Variants in COL4A6 observed in about 807,000 individuals in gnomAD.
COL4A6 encodes collagen alpha-6(IV) chain.
Under a neutral mutation model 126.7 loss-of-function variants are expected in COL4A6, and 59 were observed. The ratio of observed to expected loss-of-function variants is 0.47; its 90% CI spans 0.38 to 0.58. The LOEUF is 0.58. COL4A6 is among the 20% of genes least tolerant of loss of function. COL4A6 has a pLI of 0.00. For synonymous variants in COL4A6, 547 were observed against 496.6 expected (o/e 1.10, Z -1.35); for missense variants, 1,285 against 1,337.3 (o/e 0.96, Z 0.61).
At chrX:108,391,870 C>A (rs1432565817) in intron 2 of COL4A6, among the ~76,000 whole-genome samples, 1 of 112,434 alleles carries the variant, frequency 8.9e-6, no homozygotes, top group East Asian at 2.8e-4. Flanking sequence ...ATGAGATGAA[C>A]CGGGTACCTC....
intron 2 of COL4A6, among the ~76,000 whole-genome samples, chrX:108,377,058 G>T (rs1256304313): frequency 5.3e-5 from 6 of 112,685 alleles, no homozygotes; most frequent in Non-Finnish European, 9.4e-5. Context: ...GATCATTATC[G>T]GGCGTTTCCC....
intron 28 of COL4A6, 26 bp downstream of exon 28, chrX:108,176,815 G>GTCACTTCACTGA (rs756828971): frequency 8.5e-7 from 1 of 1,180,757 alleles, no homozygotes; most frequent in South Asian, 1.9e-5. Context: ...GCAACCACTG[G>GTCACTTCACTGA]TCACTTCACT....
chrX:108,203,030 G>C (rs770998317), intron 12 of COL4A6, 49 bp from the exon 13 acceptor site: 2 of 1,053,676 alleles, frequency 1.9e-6, no homozygotes, highest in East Asian at 3.0e-5. Context: ...AGCAGTGAAC[G>C]CACAGTAGGA....
intron 2 of COL4A6, among the ~76,000 whole-genome samples, chrX:108,432,941 T>A (rs1381120159): frequency 8.9e-6 from 1 of 111,942 alleles, no homozygotes; most frequent in African/African-American, 3.2e-5. Context: ...TGAAGTCAGA[T>A]AGAATGGGGA....
chrX:108,180,440 C>T, intron 25 of COL4A6, 75 bp downstream of exon 25: 1 of 859,864 alleles, frequency 1.2e-6, no homozygotes, highest in East Asian at 3.6e-5. Context: ...TACCACAACC[C>T]AAATACACAC....
chrX:108,408,356 AGAAAGAAAGAAC>A (rs1290158351), intron 2 of COL4A6, among the ~76,000 whole-genome samples: 1 of 109,890 alleles, frequency 9.1e-6, no homozygotes, highest in Non-Finnish European at 1.9e-5. Flanking sequence ...AAAGAAAGAA[AGAAAGAAAGAAC>A]GAAAGAAAGA....
chrX:108,429,534 G>A (rs185974551), intron 2 of COL4A6, among the ~76,000 whole-genome samples: 1 of 111,650 alleles, frequency 9.0e-6, no homozygotes, highest in Admixed American at 9.5e-5. Context: ...ATCAGTGAAT[G>A]TTATCAATGT....
At position 108,214,120 on chromosome X, in the gene COL4A6, C is replaced by A; in HGVS notation, c.433G>T (p.Gly145Ter). ...AATATCTGGCAGCATACGGGTGGTC[C>A]GAGAAGCCCAGGATAGCCATCAGGG... ...PGPDGYPGLL[G>*]PPGLPGQKGS... The change falls in exon 6 of 45, where the codon GGA becomes TGA. Residue 145 changes from glycine to a stop codon, truncating the protein, a stop_gained. Coordinates refer to ENST00000334504, the MANE Select transcript of COL4A6 (RefSeq NM_033641.4). LOFTEE classifies it high-confidence loss of function. 1 of 1,205,164 alleles carries A rather than the reference C, an allele frequency of 8.3e-7. No homozygotes were observed. Among genetic ancestry groups the A allele is most frequent in the Non-Finnish European group, 1.1e-6 (1 of 890,660 alleles).
intron 37 of COL4A6, among the ~76,000 whole-genome samples, chrX:108,169,157 A>T (rs912277887): frequency 9.0e-6 from 1 of 111,266 alleles, no homozygotes; most frequent in African/African-American, 3.3e-5. Flanking sequence ...ATGCCAGCCA[A>T]CCTCTCACTA....
At chrX:108,169,838 T>A (rs1231542124) in intron 36 of COL4A6, 107 bp downstream of exon 36, 1 of 857,407 alleles carries the variant, frequency 1.2e-6, no homozygotes, top group African/African-American at 2.1e-5. Flanking sequence ...AGGAGAGCTA[T>A]GAGTCCAAGG....
intron 3 of COL4A6, among the ~76,000 whole-genome samples, chrX:108,287,184 CTT>C (rs2038029866): frequency 8.9e-6 from 1 of 112,052 alleles, no homozygotes; most frequent in African/African-American, 3.2e-5. Context: ...CATCTAGGTT[CTT>C]AAAAACACCA....
chrX:108,438,102 G>T, intron 1 of COL4A6, 84 bp downstream of exon 1: 1 of 1,203,584 alleles, frequency 8.3e-7, no homozygotes, highest in Non-Finnish European at 1.1e-6. Context: ...TCTCTGCAGT[G>T]ACAGAAGTAC....
At chrX:108,285,747 G>T (rs1402193589) in intron 3 of COL4A6, among the ~76,000 whole-genome samples, 2 of 111,697 alleles carry the variant, frequency 1.8e-5, no homozygotes, top group African/African-American at 3.3e-5. Context: ...TGAGAAGAAT[G>T]GCATCCACTT....
intron 3 of COL4A6, among the ~76,000 whole-genome samples, chrX:108,239,008 C>T (rs1319907133): frequency 1.8e-5 from 2 of 112,174 alleles, no homozygotes; most frequent in Non-Finnish European, 3.8e-5. Flanking sequence ...GTGGTCTGTC[C>T]ATTCTGTGAA....
intron 2 of COL4A6, among the ~76,000 whole-genome samples, chrX:108,331,217 C>T (rs1411620706): frequency 3.6e-5 from 4 of 111,665 alleles, no homozygotes; most frequent in Non-Finnish European, 5.7e-5. Flanking sequence ...GTTATTAGTT[C>T]GGGATCTCCA....
At chrX:108,169,423 C>T in intron 37 of COL4A6, 72 bp downstream of exon 37, 2 of 1,172,150 alleles carry the variant, frequency 1.7e-6, no homozygotes, top group Non-Finnish European at 2.3e-6. Flanking sequence ...GCCACATGGC[C>T]CTGCTGTACC....
intron 3 of COL4A6, among the ~76,000 whole-genome samples, chrX:108,258,290 T>C (rs1190944155): frequency 8.9e-6 from 1 of 112,042 alleles, no homozygotes; most frequent in Non-Finnish European, 1.9e-5. Flanking sequence ...TCACACCCTC[T>C]TTTCTGTCAA....
intron 3 of COL4A6, among the ~76,000 whole-genome samples, chrX:108,298,597 G>C (rs1349768448): frequency 1.8e-5 from 2 of 111,308 alleles, no homozygotes; most frequent in Non-Finnish European, 3.8e-5. Context: ...TTTCGGGGAT[G>C]CTGTGAAGAG....
chrX:108,416,109 C>T (rs1460438693), intron 2 of COL4A6, among the ~76,000 whole-genome samples: 1 of 111,915 alleles, frequency 8.9e-6, no homozygotes, highest in Non-Finnish European at 1.9e-5. Flanking sequence ...CTTCTTACTC[C>T]CACTGACAAA....
Sources: allele counts gnomAD v4.1 joint callset (sites outside exome capture counted in the v4.1 genomes callset), GRCh38; gene constraint gnomAD v4.1.1; transcripts MANE v1.5; gene names NCBI Gene and HGNC (gene_info 2026-07-23, HGNC 2026-07-21).